Variants in GADL1 observed in about 807,000 individuals in gnomAD.
The protein encoded by GADL1 is acidic amino acid decarboxylase GADL1.
In GADL1, 71 loss-of-function variants were observed where a neutral mutation model predicts 69.5. The observed-to-expected ratio is 1.02, with a 90% CI of 0.84 to 1.25. The LOEUF is 1.25. Among genes scored for constraint, GADL1 ranks in the 50% most tolerant of loss-of-function variants. The probability of loss-of-function intolerance (pLI) is 0.00; values close to 1 mark genes in which losing one functional copy is unlikely to be tolerated. For missense variants in GADL1, 737 were observed against 631.8 expected, an observed-to-expected ratio of 1.17 and a Z score of -1.79; for synonymous variants, 254 against 214.4, an observed-to-expected ratio of 1.18 and a Z score of -1.62.
chr3:30,835,739 A>C (rs1027341937), intron 9 of GADL1, among the ~76,000 whole-genome samples: 1 of 152,006 alleles, frequency 6.6e-6, no homozygotes, highest in Non-Finnish European at 1.5e-5. Flanking sequence ...CATCAACTCC[A>C]TGGGGTCCCC....
In GADL1 at chr3:30,854,681, C is replaced by A; in HGVS notation, c.428+18G>T. ...CTAATCCACGTTTGGTGTGAAATTT[C>A]TATAGCATGGCACTTACACACTTGG... On this transcript the variant is annotated intron_variant, in intron 4 of 14. Transcript: ENST00000282538. The A allele has an allele frequency of 1.4e-6, 2 of 1,469,334 alleles. No homozygotes were observed. The highest frequency in any genetic ancestry group is 1.9e-6 in the Non-Finnish European group (2 of 1,077,234). The allele number at this position is 1,469,334 out of a possible 1,614,324, so 91.0% of individuals were successfully genotyped here. A position where few individuals can be genotyped will look rare whatever the true frequency, so the allele number is the denominator to read the frequency against.
At chr3:30,811,299 AAG>A (rs2125512599) in intron 11 of GADL1, among the ~76,000 whole-genome samples, 1 of 152,322 alleles carries the variant, frequency 6.6e-6, no homozygotes, top group East Asian at 1.9e-4. Context: ...CGCTGCCTAC[AAG>A]AGAGGAAAGT....
At chr3:30,759,544 C>T (rs939420010) in intron 14 of GADL1, among the ~76,000 whole-genome samples, 1 of 152,204 alleles carries the variant, frequency 6.6e-6, no homozygotes, top group East Asian at 1.9e-4. Context: ...AACTGAGACA[C>T]GTTCCCACAG....
chr3:30,799,251 G>A (rs1183018704), intron 12 of GADL1: 1 of 152,258 alleles, frequency 6.6e-6, no homozygotes, highest in Non-Finnish European at 1.5e-5. Flanking sequence ...TGGGCATCCA[G>A]GGGTTTCCAT....
intron 1 of GADL1, among the ~76,000 whole-genome samples, chr3:30,875,004 G>A (rs960592978): frequency 6.6e-6 from 1 of 151,900 alleles, no homozygotes; most frequent in South Asian, 2.1e-4. Flanking sequence ...GCTCAGCCAG[G>A]AAGATTGAGA....
chr3:30,825,329 A>G (rs991436745), intron 11 of GADL1, among the ~76,000 whole-genome samples: 2 of 152,102 alleles, frequency 1.3e-5, no homozygotes, highest in East Asian at 3.9e-4. Flanking sequence ...GGGTTTAAAT[A>G]CAATTACTAA....
intron 14 of GADL1, among the ~76,000 whole-genome samples, chr3:30,762,308 G>C (rs1422210146): frequency 6.6e-6 from 1 of 152,132 alleles, no homozygotes; most frequent in Non-Finnish European, 1.5e-5. Context: ...GCTTTAAAAG[G>C]CTTCCTTTTC....
At chr3:30,759,463 A>T (rs1696067062) in intron 14 of GADL1, among the ~76,000 whole-genome samples, 1 of 152,188 alleles carries the variant, frequency 6.6e-6, no homozygotes. Context: ...TGAAAGCTTG[A>T]TGGAAGGTGC....
At chr3:30,876,735 A>G (rs1055952710) in intron 1 of GADL1, among the ~76,000 whole-genome samples, 1 of 151,914 alleles carries the variant, frequency 6.6e-6, no homozygotes, top group African/African-American at 2.4e-5. Flanking sequence ...ATAAATATCC[A>G]TAGCTCAGCA....
At chr3:30,882,605 C>T (rs915586831) in intron 1 of GADL1, among the ~76,000 whole-genome samples, 2 of 151,908 alleles carry the variant, frequency 1.3e-5, no homozygotes, top group Non-Finnish European at 2.9e-5. Context: ...TCTTTACTAT[C>T]GTGAATAGTG....
In GADL1 at chr3:30,821,589, T is replaced by C. The variant is rs558537695; in HGVS notation, c.1050+12264A>G. Among the ~76,000 whole-genome samples, 16 of 152,072 alleles carry C rather than the reference T, an allele frequency of 1.1e-4. No individual in the cohort carries two copies. In the South Asian group the frequency reaches 1.7e-3, roughly 16 times the overall value. On this transcript the variant is annotated intron_variant, in intron 11 of 14. Coordinates refer to ENST00000282538, the MANE Select transcript of GADL1 (RefSeq NM_207359.3). ...GAAATAAGATCTGAATAAATATTACTAGGTTGGAAGGCTAAAATCACACAA... is the reference window on the plus strand; with the variant it reads ...GAAATAAGATCTGAATAAATATTACCAGGTTGGAAGGCTAAAATCACACAA...
chr3:30,773,110 A>G (rs1182803705), intron 14 of GADL1, among the ~76,000 whole-genome samples: 1 of 152,202 alleles, frequency 6.6e-6, no homozygotes, highest in Non-Finnish European at 1.5e-5. Context: ...TTATTGTATA[A>G]TCATGATCCT....
intron 14 of GADL1, among the ~76,000 whole-genome samples, chr3:30,761,649 A>G (rs1276830225): frequency 6.6e-6 from 1 of 152,128 alleles, no homozygotes; most frequent in Non-Finnish European, 1.5e-5. Context: ...AATCCTCATC[A>G]GTCTGTAGTA....
rs1377460039 is a variant in GADL1, at chr3:30,861,872, T to C, written c.38-107A>G. On this transcript the variant is annotated intron_variant, in intron 1 of 14. Coordinates refer to ENST00000282538, the MANE Select transcript of GADL1 (RefSeq NM_207359.3). ...TCCCAGCTTCAGATGGCACATCTTT[T>C]AATACATGAAGGCATCATTTGAGGT... 3.1e-5 allele frequency: 21 copies of C among 683,306 alleles called. No individual in the cohort carries two copies. The East Asian group carries it at 5.7e-4, about 18-fold the overall frequency. The allele number at this position is 683,306 out of a possible 1,614,324, so 42.3% of individuals were successfully genotyped here.
intron 1 of GADL1, among the ~76,000 whole-genome samples, chr3:30,893,957 T>A (rs1382571848): frequency 6.6e-6 from 1 of 152,178 alleles, no homozygotes. Context: ...AATACCTGAA[T>A]AACAATAATG....
intron 14 of GADL1, among the ~76,000 whole-genome samples, chr3:30,733,586 CTCCTTCCTTCCTTCCTTCCTTCCT>C (rs60344210): frequency 6.0e-5 from 8 of 133,596 alleles, no homozygotes; most frequent in South Asian, 2.7e-4. Flanking sequence ...TTTTCCTTTT[CTCCTTCCTTCCTTCCTTCCTTCCT>C]TCCTTCCTTC....
chr3:30,843,346 C>T (rs1317421834), intron 8 of GADL1, among the ~76,000 whole-genome samples: 1 of 151,436 alleles, frequency 6.6e-6, no homozygotes, highest in Non-Finnish European at 1.5e-5. Context: ...ACTTCTGCCT[C>T]CTGGATTCAA....
intron 11 of GADL1, among the ~76,000 whole-genome samples, chr3:30,812,547 C>T (rs1349126555): frequency 6.6e-6 from 1 of 152,090 alleles, no homozygotes; most frequent in Non-Finnish European, 1.5e-5. Context: ...AAGACCTGCC[C>T]CCATGATTCA....
intron 14 of GADL1, among the ~76,000 whole-genome samples, chr3:30,764,693 ATTG>A (rs1696227243): frequency 6.6e-6 from 1 of 152,204 alleles, no homozygotes; most frequent in Non-Finnish European, 1.5e-5. Context: ...ACACTTAAGA[ATTG>A]TTAACTCACA....
Sources: gnomAD v4.1 joint callset for allele counts (sites outside exome capture counted in the v4.1 genomes callset) on GRCh38, gnomAD v4.1.1 for gene constraint, MANE v1.5 for transcripts, NCBI Gene and HGNC (gene_info 2026-07-23, HGNC 2026-07-21) for gene names.